The following TBX5 variants were observed in gnomAD, a reference collection of about 807,000 sequenced individuals.
TBX5 encodes T-box transcription factor TBX5.
TBX5 carries 8 observed loss-of-function variants against 51.1 expected under a neutral mutation model. That is an observed-to-expected ratio of 0.16 (90% CI 0.09 to 0.28). The LOEUF (loss-of-function observed/expected upper bound fraction) is 0.28. Among genes scored for constraint, TBX5 ranks in the 10% least tolerant of loss-of-function variants. TBX5 has a pLI of 1.00. For missense variants in TBX5, 589 were observed against 671.7 expected, an observed-to-expected ratio of 0.88 and a Z score of 1.36; for synonymous variants, 302 against 266.4, an observed-to-expected ratio of 1.13 and a Z score of -1.30.
Position 114,360,318 on chromosome 12 carries a change from C to G in TBX5, c.983-4212G>C, listed in dbSNP as rs911626771. 6.1e-5 allele frequency among the ~76,000 whole-genome samples: 8 copies of G among 130,392 alleles called. No homozygotes were observed. In the Admixed American group the frequency reaches 6.6e-4, roughly 11 times the overall value. 85.5% of individuals were successfully genotyped at this position (130,392 alleles called of 152,430 possible). A position where few individuals can be genotyped will look rare whatever the true frequency, so the allele number is the denominator to read the frequency against. On this transcript the variant is annotated intron_variant, in intron 8 of 8. Transcript: ENST00000405440. ...CAGCCAACATGAAAAGGTAGCAAAC[C>G]TTGACTCTTATGGATGAGTGGGTGG...
At chr12:114,360,788 G>C (rs1565925633) in intron 8 of TBX5, among the ~76,000 whole-genome samples, 1 of 152,028 alleles carries the variant, frequency 6.6e-6, no homozygotes, top group Non-Finnish European at 1.5e-5. Flanking sequence ...GTGGGTGGAT[G>C]ACTTTTTGTT....
chr12:114,366,292 G>A lies in TBX5; in HGVS notation c.855C>T (p.Ser285=), dbSNP rs745840026. 80 of 1,613,970 alleles carry A rather than the reference G, an allele frequency of 5.0e-5. No homozygotes were observed. Among genetic ancestry groups the A allele is most frequent in the Non-Finnish European group, 6.4e-5 (76 of 1,180,038 alleles). Residue 285 remains serine, a synonymous_variant, in exon 8 of 9, where the codon TCC becomes TCT. Transcript: ENST00000405440. ...SSESRALSTS[S]NLGSQYQCEN... ...CACACTGGTATTGGGACCCCAAATT[G>A]GATGAGGTGGAGAGAGCTCGAGACT...
chr12:114,364,785 A>G (rs934309929), intron 8 of TBX5, among the ~76,000 whole-genome samples: 1 of 152,232 alleles, frequency 6.6e-6, no homozygotes, highest in Non-Finnish European at 1.5e-5. Flanking sequence ...TTTAGGAAAC[A>G]TATCATTTAC....
chr12:114,393,419 G>T (rs954729454), intron 6 of TBX5, among the ~76,000 whole-genome samples: 6 of 152,138 alleles, frequency 3.9e-5, no homozygotes, highest in Non-Finnish European at 8.8e-5. Context: ...CACGAGGGCA[G>T]GGGCCCCTCC....
chr12:114,401,246 A>G (rs752312132), intron 3 of TBX5, among the ~76,000 whole-genome samples: 20 of 152,214 alleles, frequency 1.3e-4, no homozygotes, highest in African/African-American at 4.3e-4. Flanking sequence ...GTCTGTATAT[A>G]GAGCCCGGCC....
intron 7 of TBX5, among the ~76,000 whole-genome samples, chr12:114,381,750 T>C (rs1174760095): frequency 1.3e-5 from 2 of 152,162 alleles, no homozygotes; most frequent in South Asian, 2.1e-4. Context: ...AAGCCTTCTG[T>C]GGGAACCACT....
intron 3 of TBX5, among the ~76,000 whole-genome samples, 179 bp downstream of exon 3, chr12:114,401,646 GC>G (rs1184794074): frequency 6.6e-6 from 1 of 152,124 alleles, no homozygotes; most frequent in Non-Finnish European, 1.5e-5. Context: ...ATCTCCTTGT[GC>G]CTCTTTAACC....
chr12:114,368,315 A>G (rs577309511), intron 7 of TBX5, among the ~76,000 whole-genome samples: 1 of 151,988 alleles, frequency 6.6e-6, no homozygotes, highest in Admixed American at 6.5e-5. Flanking sequence ...AGCCTGGGTG[A>G]CAGAGTGAAA....
intron 7 of TBX5, among the ~76,000 whole-genome samples, chr12:114,382,867 A>G (rs1593863757): frequency 6.6e-6 from 1 of 151,664 alleles, no homozygotes; most frequent in African/African-American, 2.4e-5. Flanking sequence ...CTGCAGTCCC[A>G]GGTACTTGGG....
chr12:114,394,743 T>C lies in TBX5; in HGVS notation c.661A>G (p.Lys221Glu), dbSNP rs757039207. The C allele has an allele frequency of 1.2e-6, 2 of 1,614,072 alleles. No individual in the cohort carries two copies. The highest frequency in any genetic ancestry group is 8.5e-7 in the Non-Finnish European group (1 of 1,179,990). ...TGGTTCCTGGGCTTCAGGCTTACCT[T>C]GTGGTTCTGGTAGGAAGTCACTGCT... ...FIAVTSYQNH[K>E]ITQLKIENNP... The change falls in exon 6 of 9, where the codon AAG becomes GAG. Residue 221 changes from lysine (K) to glutamate (E), a missense_variant and splice_region_variant. Transcript: ENST00000405440.
At chr12:114,361,219 C>T (rs1053241903) in intron 8 of TBX5, among the ~76,000 whole-genome samples, 24 of 152,148 alleles carry the variant, frequency 1.6e-4, no homozygotes, top group African/African-American at 5.8e-4. Context: ...TCCCCTAGTC[C>T]AAAGACTGCT....
intron 1 of TBX5, among the ~76,000 whole-genome samples, chr12:114,404,154 C>A (rs1419113286): frequency 6.6e-6 from 1 of 152,108 alleles, no homozygotes; most frequent in Non-Finnish European, 1.5e-5. Context: ...TATAAGCAGG[C>A]ACAACTTCTT....
intron 8 of TBX5, among the ~76,000 whole-genome samples, chr12:114,360,497 T>C (rs1273062351): frequency 7.3e-6 from 1 of 136,504 alleles, no homozygotes; most frequent in Non-Finnish European, 1.6e-5. Flanking sequence ...GGTGGGTAGA[T>C]GGGTGAATGG....
chr12:114,405,583 C>A (rs117742029), intron 1 of TBX5, 45 bp downstream of exon 1: 9 of 531,712 alleles, frequency 1.7e-5, no homozygotes, highest in African/African-American at 4.1e-5. Context: ...ACTCGGCCGA[C>A]GAGCTCCCTC....
chr12:114,374,159 G>T (rs527524677), intron 7 of TBX5, among the ~76,000 whole-genome samples: 3 of 152,356 alleles, frequency 2.0e-5, no homozygotes, highest in East Asian at 3.9e-4. Flanking sequence ...AATGATAAAT[G>T]TTTTCTGTGC....
chr12:114,356,991 G>GATGGATGA (rs1157004967), intron 8 of TBX5, among the ~76,000 whole-genome samples: 1 of 6,026 alleles, frequency 1.7e-4, no homozygotes, highest in African/African-American at 7.1e-3. Flanking sequence ...ATATTTGTAC[G>GATGGATGA]ATGGATGGAT....
At chr12:114,366,519 G>T in intron 7 of TBX5, 128 bp from the exon 8 acceptor site, 1 of 852,692 alleles carries the variant, frequency 1.2e-6, no homozygotes, top group Non-Finnish European at 1.9e-6. Flanking sequence ...GGTCTTTGAT[G>T]AATAAAATGA....
chr12:114,355,302 T>C lies in TBX5; in HGVS notation c.*230A>G. The C allele has an allele frequency of 1.6e-6, 1 of 638,408 alleles. No individual in the cohort carries two copies. Among genetic ancestry groups the C allele is most frequent in the South Asian group, 1.6e-5 (1 of 63,494 alleles). 39.5% of individuals were successfully genotyped at this position (638,408 alleles called of 1,614,324 possible). Reference sequence around the variant, plus strand: ...GGGGGGTGGGACTCATCTTTTTGTGTTTGTTTTTTTAAGTTTTGAGACAAA... The same window carrying C: ...GGGGGGTGGGACTCATCTTTTTGTGCTTGTTTTTTTAAGTTTTGAGACAAA... On this transcript the variant is annotated 3_prime_UTR_variant, in exon 9 of 9. Coordinates refer to ENST00000405440, the MANE Select transcript of TBX5 (RefSeq NM_181486.4).
chr12:114,389,930 C>T (rs1002414162), intron 6 of TBX5, among the ~76,000 whole-genome samples: 8 of 151,840 alleles, frequency 5.3e-5, no homozygotes, highest in Non-Finnish European at 8.8e-5. Context: ...TCCATGATGT[C>T]CATGCTCCAC....
Sources: allele counts gnomAD v4.1 joint callset (sites outside exome capture counted in the v4.1 genomes callset), GRCh38; gene constraint gnomAD v4.1.1; transcripts MANE v1.5; gene names NCBI Gene and HGNC (gene_info 2026-07-23, HGNC 2026-07-21).